The following PDE6A variants were observed in gnomAD, a reference collection of about 807,000 sequenced individuals.
The protein encoded by PDE6A is phosphodiesterase 6A, also known as rod cGMP-specific 3',5'-cyclic phosphodiesterase subunit alpha.
A neutral mutation model predicts 106.3 loss-of-function variants in PDE6A; 84 were observed. That is an observed-to-expected ratio of 0.79 (90% CI 0.66 to 0.95). The LOEUF (loss-of-function observed/expected upper bound fraction) is 0.95. Ranked by LOEUF, PDE6A falls within the 40% of genes least tolerant of loss-of-function variation. PDE6A has a pLI of 0.00. For missense variants in PDE6A, 1,052 were observed against 1,084.9 expected (o/e 0.97, Z 0.43); for synonymous variants, 394 against 386.6 (o/e 1.02, Z -0.23).
At chr5:149,889,062 A>G (rs1373249770) in intron 13 of PDE6A, among the ~76,000 whole-genome samples, 3 of 122,720 alleles carry the variant, frequency 2.4e-5, no homozygotes, top group Non-Finnish European at 5.0e-5. Context: ...AGCCTGGGCG[A>G]CAGAGTGAGA....
intron 17 of PDE6A, among the ~76,000 whole-genome samples, chr5:149,878,860 T>C (rs1171107712): frequency 6.6e-6 from 1 of 152,180 alleles, no homozygotes; most frequent in Non-Finnish European, 1.5e-5. Context: ...AACACTTTAT[T>C]CACTGAGGAA....
intron 1 of PDE6A, among the ~76,000 whole-genome samples, chr5:149,939,744 A>G (rs896267051): frequency 6.6e-6 from 1 of 152,250 alleles, no homozygotes; most frequent in Non-Finnish European, 1.5e-5. Flanking sequence ...TGAAAGTGAC[A>G]GAGTCCTGGT....
At chr5:149,870,881 A>AAGAAAG (rs143517580) in intron 17 of PDE6A, among the ~76,000 whole-genome samples, 13,043 of 141,172 alleles carry the variant, frequency 0.092, 1,891 homozygotes, top group African/African-American at 0.31. Context: ...AAGAAAGAGA[A>AAGAAAG]AGAAAGAAAA....
At chr5:149,907,291 C>T (rs370393132) in intron 7 of PDE6A, 21 bp downstream of exon 7, 28 of 1,584,892 alleles carry the variant, frequency 1.8e-5, no homozygotes, top group Non-Finnish European at 2.4e-5. Context: ...AACTCTCCCC[C>T]TTCAAAGTTA....
intron 17 of PDE6A, among the ~76,000 whole-genome samples, chr5:149,872,696 G>A (rs1212122838): frequency 6.6e-6 from 1 of 152,202 alleles, no homozygotes; most frequent in Non-Finnish European, 1.5e-5. Flanking sequence ...CCCTGCCGGG[G>A]AAGGCCTTGG....
chr5:149,886,471 A>C, intron 13 of PDE6A, 97 bp from the exon 14 acceptor site: 2 of 844,478 alleles, frequency 2.4e-6, no homozygotes, highest in African/African-American at 1.7e-5. Context: ...AGAACTAAAA[A>C]ACTCATGGGT....
intron 17 of PDE6A, among the ~76,000 whole-genome samples, chr5:149,874,877 G>A (rs112808946): frequency 0.036 from 5,426 of 152,170 alleles, 127 homozygotes; most frequent in Admixed American, 0.055. Context: ...ACCACTACCT[G>A]CTGCACTGCA....
At chr5:149,919,830 C>T (rs1269798313) in intron 5 of PDE6A, among the ~76,000 whole-genome samples, 1 of 152,114 alleles carries the variant, frequency 6.6e-6, no homozygotes, top group East Asian at 1.9e-4. Context: ...GCTTTTTAGC[C>T]TGTATAACTT....
At chr5:149,873,494 GC>G in intron 17 of PDE6A, among the ~76,000 whole-genome samples, 1 of 152,214 alleles carries the variant, frequency 6.6e-6, no homozygotes, top group East Asian at 1.9e-4. Context: ...ACCACGCCCA[GC>G]TAATTTTTGT....
rs1293100080 is a variant in PDE6A, at chr5:149,884,853, A to C, written c.1853T>G (p.Leu618Arg). The change falls in exon 15 of 22, where the codon CTG (leucine) becomes CGG (arginine). Residue 618 changes from leucine to arginine, a missense_variant. Leu to Arg is a moderately radical substitution (Grantham distance 102). Transcript: ENST00000255266. ...NLYQMKSQNP[L>R]AKLHGSSILE... ...GATAGAGGACCCATGGAGCTTGGCC[A>C]GTGGGTTCTGGGATCTGAATGAGAA... is the stretch of plus-strand genomic sequence containing the variant. 6.2e-7 allele frequency: 1 copy of C among 1,613,784 alleles called. No individual in the cohort carries two copies. Among genetic ancestry groups the C allele is most frequent in the Non-Finnish European group, 8.5e-7 (1 of 1,179,750 alleles).
chr5:149,927,875 C>T lies in PDE6A; in HGVS notation c.858+3153G>A, dbSNP rs1203490576. On this transcript the variant is annotated intron_variant, in intron 4 of 21. Transcript: ENST00000255266. ...AACTTTTTTGTTAAAAACTAAGACA[C>T]AAACACACACATTAGCCTAGACCTA... 2.0e-5 allele frequency among the ~76,000 whole-genome samples: 3 copies of T among 149,130 alleles called. No homozygotes were observed. In the East Asian group the frequency reaches 6.0e-4, roughly 30 times the overall value.
At chr5:149,921,485 A>G (rs1366379242) in intron 5 of PDE6A, 150 bp downstream of exon 5, 2 of 623,428 alleles carry the variant, frequency 3.2e-6, no homozygotes, top group Non-Finnish European at 5.8e-6. Context: ...CCTGTCTGCT[A>G]TTGAATATGA....
In PDE6A at chr5:149,858,783, G is replaced by C. The variant is rs1384211766; in HGVS notation, c.*2112C>G. 1.4e-5 allele frequency: 2 copies of C among 141,720 alleles called. No homozygotes were observed. Among genetic ancestry groups the C allele is most frequent in the African/African-American group, 2.6e-5 (1 of 39,104 alleles). 8.8% of individuals were successfully genotyped at this position (141,720 alleles called of 1,614,324 possible). A position where few individuals can be genotyped will look rare whatever the true frequency, so the allele number is the denominator to read the frequency against. The stretch of plus-strand genomic sequence containing the variant: ...GACAGAGTGAGACCTCGTCATGAAA[G>C]ATAGAGAAAGAGAGAAATTCTATCT... On this transcript the variant is annotated 3_prime_UTR_variant, in exon 22 of 22. Coordinates refer to ENST00000255266, the MANE Select transcript of PDE6A (RefSeq NM_000440.3).
intron 4 of PDE6A, among the ~76,000 whole-genome samples, chr5:149,922,032 T>A (rs1753738198): frequency 6.6e-6 from 1 of 152,178 alleles, no homozygotes; most frequent in South Asian, 2.1e-4. Context: ...CATGCTAATA[T>A]GTGCTCAAAG....
chr5:149,942,977 C>T (rs1754363311), intron 1 of PDE6A, among the ~76,000 whole-genome samples: 1 of 151,132 alleles, frequency 6.6e-6, no homozygotes, highest in African/African-American at 2.4e-5. Context: ...AGACAGATGC[C>T]TTCCTCTTAT....
At chr5:149,899,340 AT>A in intron 9 of PDE6A, 34 bp downstream of exon 9, 1 of 1,612,760 alleles carries the variant, frequency 6.2e-7, no homozygotes, top group Non-Finnish European at 8.5e-7. Context: ...CTGACTCTGA[AT>A]CCCAACAGCA....
intron 5 of PDE6A, among the ~76,000 whole-genome samples, chr5:149,920,954 GA>G (rs1554091221): frequency 8.3e-6 from 1 of 120,360 alleles, no homozygotes; most frequent in South Asian, 2.6e-4. Flanking sequence ...AAGAAAGAAA[GA>G]AAGAAAGAAA....
chr5:149,876,913 T>TGATAGATAGATAGATA (rs201047279), intron 17 of PDE6A, among the ~76,000 whole-genome samples: 2 of 151,276 alleles, frequency 1.3e-5, no homozygotes, highest in African/African-American at 4.9e-5. Context: ...TGATGAGAGA[T>TGATAGATAGATAGATA]GATAGATAGA....
chr5:149,916,272 T>C (rs1237600477), intron 5 of PDE6A, among the ~76,000 whole-genome samples: 34 of 152,238 alleles, frequency 2.2e-4, no homozygotes, highest in Admixed American at 2.2e-3. Flanking sequence ...GATTCGTCTC[T>C]GCGTTTTAAT....
Sources: gnomAD v4.1 joint callset for allele counts (sites outside exome capture counted in the v4.1 genomes callset) on GRCh38, gnomAD v4.1.1 for gene constraint, MANE v1.5 for transcripts, NCBI Gene and HGNC (gene_info 2026-07-23, HGNC 2026-07-21) for gene names.